The following LRMDA variants were observed in gnomAD, a reference collection of about 807,000 sequenced individuals.
The protein encoded by LRMDA is leucine-rich melanocyte differentiation-associated protein.
In LRMDA, 18 loss-of-function variants were observed where a neutral mutation model predicts 29.8. That is an observed-to-expected ratio of 0.60 (90% CI 0.42 to 0.90). The LOEUF is 0.90. LRMDA is among the 40% of genes least tolerant of loss of function. The probability of loss-of-function intolerance (pLI) is 0.00; values close to 1 mark genes in which losing one functional copy is unlikely to be tolerated. For synonymous variants in LRMDA, 125 were observed against 109.4 expected, an observed-to-expected ratio of 1.14 and a Z score of -0.89; for missense variants, 273 against 273.9, an observed-to-expected ratio of 1.00 and a Z score of 0.02.
intron 2 of LRMDA, among the ~76,000 whole-genome samples, chr10:75,961,857 ACTTC>A (rs1241893054): frequency 6.6e-6 from 1 of 152,176 alleles, no homozygotes; most frequent in African/African-American, 2.4e-5. Context: ...CAGTCGGGTT[ACTTC>A]CTTCTAGGCT....
intron 2 of LRMDA, among the ~76,000 whole-genome samples, chr10:75,737,182 A>C (rs981748068): frequency 8.5e-5 from 13 of 152,168 alleles, no homozygotes; most frequent in African/African-American, 2.4e-4. Context: ...CAGCTCCCTA[A>C]ATTGCCTTCT....
At chr10:76,228,760 T>C (rs922691470) in intron 5 of LRMDA, among the ~76,000 whole-genome samples, 1 of 152,198 alleles carries the variant, frequency 6.6e-6, no homozygotes, top group Non-Finnish European at 1.5e-5. Flanking sequence ...GCACATCTTA[T>C]AACCTCCAGA....
At chr10:75,996,720 T>C (rs1223006336) in intron 2 of LRMDA, among the ~76,000 whole-genome samples, 1 of 152,074 alleles carries the variant, frequency 6.6e-6, no homozygotes, top group East Asian at 1.9e-4. Context: ...TACGTGTTTT[T>C]TTTGTTTGTT....
At chr10:76,120,812 T>A (rs1849772046) in intron 5 of LRMDA, among the ~76,000 whole-genome samples, 1 of 151,666 alleles carries the variant, frequency 6.6e-6, no homozygotes, top group African/African-American at 2.4e-5. Flanking sequence ...AACAATTTGT[T>A]TCTTGGTTGA....
At chr10:75,573,984 C>G (rs1430339) in intron 2 of LRMDA, among the ~76,000 whole-genome samples, 13,838 of 151,640 alleles carry the variant, frequency 0.091, 854 homozygotes, top group East Asian at 0.31. Context: ...TTGCAGAAGG[C>G]CTTTTTTTTT....
chr10:75,604,635 T>C (rs566433301), intron 2 of LRMDA, among the ~76,000 whole-genome samples: 2 of 152,238 alleles, frequency 1.3e-5, no homozygotes, highest in African/African-American at 4.8e-5. Flanking sequence ...CCAACTAAAT[T>C]AGAGTTGAGA....
intron 2 of LRMDA, among the ~76,000 whole-genome samples, chr10:75,974,256 A>T (rs1031337908): frequency 2.6e-5 from 4 of 152,146 alleles, no homozygotes; most frequent in Non-Finnish European, 5.9e-5. Flanking sequence ...GCTGAGCCTG[A>T]CTTTGACCAT....
At chr10:75,750,653 A>G (rs577306638) in intron 2 of LRMDA, among the ~76,000 whole-genome samples, 6 of 140,322 alleles carry the variant, frequency 4.3e-5, no homozygotes, top group Admixed American at 1.4e-4. Flanking sequence ...GCAGCCGGGC[A>G]GAGATGCTCC....
At chr10:76,400,869 C>A (rs900929161) in intron 6 of LRMDA, among the ~76,000 whole-genome samples, 3 of 152,030 alleles carry the variant, frequency 2.0e-5, no homozygotes, top group Non-Finnish European at 4.4e-5. Context: ...GGTTGAATAC[C>A]CCTTATCAAA....
chr10:76,017,701 T>C (rs1306853416), intron 2 of LRMDA, among the ~76,000 whole-genome samples: 1 of 152,176 alleles, frequency 6.6e-6, no homozygotes, highest in Non-Finnish European at 1.5e-5. Flanking sequence ...TCAACGGTGA[T>C]GAAAATGACT....
chr10:75,547,521 G>A (rs1840094134), intron 2 of LRMDA, among the ~76,000 whole-genome samples: 1 of 152,188 alleles, frequency 6.6e-6, no homozygotes, highest in African/African-American at 2.4e-5. Flanking sequence ...AAACCACTGT[G>A]GCCACAATAA....
At chr10:76,130,756 T>A (rs937865571) in intron 5 of LRMDA, among the ~76,000 whole-genome samples, 4 of 152,084 alleles carry the variant, frequency 2.6e-5, no homozygotes, top group Admixed American at 1.3e-4. Flanking sequence ...GCCTCCTGGG[T>A]TTAAGCGATT....
rs149875999 is a variant in LRMDA, at chr10:75,584,070, G to A, written c.131+145576G>A. 9.9e-3 allele frequency among the ~76,000 whole-genome samples: 1,505 copies of A among 152,054 alleles called. 22 individuals carry two copies. Among genetic ancestry groups the A allele is most frequent in the African/African-American group, 0.032 (1,337 of 41,444 alleles). On this transcript the variant is annotated intron_variant, in intron 2 of 6. Coordinates refer to ENST00000611255, the MANE Select transcript of LRMDA (RefSeq NM_001305581.2). The stretch of plus-strand genomic sequence containing the variant: ...CAAGGACCTGTGTGATCTGTTTTTC[G>A]CCTGTTCTTCCCTGCCCTCATTCAG...
intron 2 of LRMDA, among the ~76,000 whole-genome samples, chr10:75,636,036 A>G (rs1841386533): frequency 6.6e-6 from 1 of 152,240 alleles, no homozygotes; most frequent in South Asian, 2.1e-4. Flanking sequence ...TGAACCAAAT[A>G]AAATTTTAGT....
intron 2 of LRMDA, among the ~76,000 whole-genome samples, chr10:75,630,131 G>A (rs908104984): frequency 3.9e-5 from 6 of 152,180 alleles, no homozygotes; most frequent in Non-Finnish European, 8.8e-5. Context: ...CCTGGGCCTG[G>A]GGTGATCCCT....
intron 2 of LRMDA, among the ~76,000 whole-genome samples, chr10:75,966,801 C>A (rs766538465): frequency 1.2e-4 from 18 of 152,202 alleles, no homozygotes; most frequent in Non-Finnish European, 1.9e-4. Flanking sequence ...AATTACCCTG[C>A]CTTTCAGGCT....
chr10:76,239,085 G>A (rs1483924965), intron 5 of LRMDA, among the ~76,000 whole-genome samples: 1 of 152,140 alleles, frequency 6.6e-6, no homozygotes, highest in African/African-American at 2.4e-5. Flanking sequence ...TTGCCTTGGT[G>A]ACGTACAAAT....
At chr10:76,506,898 G>A (rs1842964649) in intron 6 of LRMDA, among the ~76,000 whole-genome samples, 1 of 151,964 alleles carries the variant, frequency 6.6e-6, no homozygotes, top group South Asian at 2.1e-4. Flanking sequence ...TCTTGGCTAT[G>A]GTGAATAGTG....
intron 4 of LRMDA, among the ~76,000 whole-genome samples, chr10:76,055,838 G>T (rs1848605819): frequency 6.6e-6 from 1 of 152,226 alleles, no homozygotes; most frequent in South Asian, 2.1e-4. Flanking sequence ...AGGAACCACA[G>T]AGCCCCAAAG....
Sources: gnomAD v4.1 joint callset for allele counts (sites outside exome capture counted in the v4.1 genomes callset) on GRCh38, gnomAD v4.1.1 for gene constraint, MANE v1.5 for transcripts, NCBI Gene and HGNC (gene_info 2026-07-23, HGNC 2026-07-21) for gene names.